The following CHCHD6 variants were observed in gnomAD, a reference collection of about 807,000 sequenced individuals.
CHCHD6 encodes coiled-coil-helix-coiled-coil-helix domain containing 6, also known as MICOS complex subunit MIC25.
CHCHD6 carries 28 observed loss-of-function variants against 32.3 expected under a neutral mutation model. The ratio of observed to expected loss-of-function variants is 0.87; its 90% CI spans 0.64 to 1.19. CHCHD6 has a LOEUF of 1.19. Among genes scored for constraint, CHCHD6 ranks in the 50% most tolerant of loss-of-function variants. CHCHD6 has a pLI of 0.00. For synonymous variants in CHCHD6, 122 were observed against 117.5 expected, an observed-to-expected ratio of 1.04 and a Z score of -0.25; for missense variants, 333 against 307.0, an observed-to-expected ratio of 1.08 and a Z score of -0.63.
At chr3:126,709,696 T>A (rs1366464210) in intron 1 of CHCHD6, among the ~76,000 whole-genome samples, 1 of 152,234 alleles carries the variant, frequency 6.6e-6, no homozygotes, top group African/African-American at 2.4e-5. Flanking sequence ...CTAGTGGCTG[T>A]GAAATTGTAT....
At chr3:126,895,404 C>G (rs2077824363) in intron 5 of CHCHD6, among the ~76,000 whole-genome samples, 1 of 152,168 alleles carries the variant, frequency 6.6e-6, no homozygotes, top group South Asian at 2.1e-4. Flanking sequence ...GCAGCAGCGT[C>G]TGTGTCCATC....
intron 1 of CHCHD6, among the ~76,000 whole-genome samples, chr3:126,723,216 A>G (rs1476203335): frequency 6.6e-6 from 1 of 151,984 alleles, no homozygotes; most frequent in Non-Finnish European, 1.5e-5. Flanking sequence ...TATATCTTAA[A>G]TACTACAGGG....
intron 4 of CHCHD6, among the ~76,000 whole-genome samples, chr3:126,781,069 C>T (rs752194900): frequency 6.6e-6 from 1 of 152,164 alleles, no homozygotes; most frequent in Non-Finnish European, 1.5e-5. Context: ...AGTAGGATTA[C>T]CATGGTTTCA....
At chr3:126,773,144 C>G (rs1370768798) in intron 4 of CHCHD6, among the ~76,000 whole-genome samples, 3 of 152,042 alleles carry the variant, frequency 2.0e-5, no homozygotes. Context: ...CCTGCCCTTT[C>G]TCTCTAACTG....
chr3:126,876,217 A>G (rs1398851717), intron 5 of CHCHD6, among the ~76,000 whole-genome samples: 1 of 152,244 alleles, frequency 6.6e-6, no homozygotes, highest in Non-Finnish European at 1.5e-5. Flanking sequence ...ACTGCTTTCT[A>G]ATCACATATT....
chr3:126,881,136 G>C (rs1292412240), intron 5 of CHCHD6, among the ~76,000 whole-genome samples: 1 of 152,256 alleles, frequency 6.6e-6, no homozygotes, highest in South Asian at 2.1e-4. Context: ...TGCCAAGCCC[G>C]CATATGGGCT....
chr3:126,756,303 G>A (rs1457262356), intron 4 of CHCHD6, among the ~76,000 whole-genome samples: 1 of 152,170 alleles, frequency 6.6e-6, no homozygotes, highest in Non-Finnish European at 1.5e-5. Flanking sequence ...AATAGTTTTT[G>A]TAAAAGGAGA....
chr3:126,804,079 T>C (rs1351644709), intron 4 of CHCHD6, among the ~76,000 whole-genome samples: 2 of 151,200 alleles, frequency 1.3e-5, no homozygotes, highest in Non-Finnish European at 3.0e-5. Context: ...TAGAGGGAAA[T>C]TTATAGCACT....
intron 6 of CHCHD6, among the ~76,000 whole-genome samples, chr3:126,916,664 G>A (rs765490394): frequency 6.6e-5 from 10 of 152,176 alleles, no homozygotes; most frequent in Non-Finnish European, 1.2e-4. Context: ...GCCCCCACTG[G>A]TGGTCAGCTC....
chr3:126,953,031 A>T, intron 6 of CHCHD6: 9 of 985,464 alleles, frequency 9.1e-6, no homozygotes, highest in Non-Finnish European at 1.1e-5. Context: ...TCAGGGCCAC[A>T]CTGCGTTACT....
At chr3:126,715,051 T>A (rs1247626756) in intron 1 of CHCHD6, among the ~76,000 whole-genome samples, 2 of 152,170 alleles carry the variant, frequency 1.3e-5, no homozygotes, top group Non-Finnish European at 2.9e-5. Context: ...AAGTAGGTTG[T>A]CTGTTTTGTG....
chr3:126,803,770 GCACCA>G (rs1366300072), intron 4 of CHCHD6, among the ~76,000 whole-genome samples: 1 of 152,140 alleles, frequency 6.6e-6, no homozygotes, highest in Non-Finnish European at 1.5e-5. Context: ...ATTTTTGTCA[GCACCA>G]CACCACACCT....
At chr3:126,760,457 AT>A in intron 4 of CHCHD6, among the ~76,000 whole-genome samples, 1 of 152,292 alleles carries the variant, frequency 6.6e-6, no homozygotes, top group South Asian at 2.1e-4. Context: ...CTTTTTCATC[AT>A]TCCAAACTGA....
chr3:126,902,954 G>A (rs570901507), intron 5 of CHCHD6, among the ~76,000 whole-genome samples: 6 of 152,238 alleles, frequency 3.9e-5, no homozygotes, highest in South Asian at 2.1e-4. Flanking sequence ...CCATACTGCC[G>A]AAGACTGAGC....
chr3:126,897,156 C>T (rs867760674), intron 5 of CHCHD6, among the ~76,000 whole-genome samples: 2 of 152,152 alleles, frequency 1.3e-5, no homozygotes, highest in Admixed American at 6.5e-5. Context: ...CTGACAGGGT[C>T]CCCCAGCTGG....
At chr3:126,712,633 A>C (rs1478811955) in intron 1 of CHCHD6, among the ~76,000 whole-genome samples, 1 of 152,122 alleles carries the variant, frequency 6.6e-6, no homozygotes, top group Non-Finnish European at 1.5e-5. Context: ...CCGCAGTGGC[A>C]CTAGTGTCCA....
chr3:126,732,971 T>C, intron 3 of CHCHD6, 107 bp from the exon 4 acceptor site: 1 of 1,286,268 alleles, frequency 7.8e-7, no homozygotes, highest in Non-Finnish European at 1.1e-6. Flanking sequence ...CGCTGGCTGG[T>C]TTCAGCATTT....
At chr3:126,931,617 T>C (rs1287344352) in intron 6 of CHCHD6, among the ~76,000 whole-genome samples, 1 of 152,140 alleles carries the variant, frequency 6.6e-6, no homozygotes, top group Non-Finnish European at 1.5e-5. Flanking sequence ...CCCCAGGTCA[T>C]TTTAGGTAGA....
At chr3:126,813,283 A>G (rs1024595230) in intron 4 of CHCHD6, among the ~76,000 whole-genome samples, 5 of 152,196 alleles carry the variant, frequency 3.3e-5, no homozygotes, top group African/African-American at 1.2e-4. Flanking sequence ...TGAACGTATC[A>G]GGTTGTTATT....
Sources: gnomAD v4.1 joint callset for allele counts (sites outside exome capture counted in the v4.1 genomes callset) on GRCh38, gnomAD v4.1.1 for gene constraint, MANE v1.5 for transcripts, NCBI Gene and HGNC (gene_info 2026-07-23, HGNC 2026-07-21) for gene names.